Variants in EPG5 observed in about 807,000 individuals in gnomAD.
EPG5 encodes ectopic P-granules 5 autophagy tethering factor, also known as ectopic P granules protein 5 homolog.
Under a neutral mutation model 302.7 loss-of-function variants are expected in EPG5, and 159 were observed. That is an observed-to-expected ratio of 0.53 (90% CI 0.46 to 0.60). EPG5 has a LOEUF of 0.60. Ranked by LOEUF, EPG5 falls within the 20% of genes least tolerant of loss-of-function variation. EPG5 has a pLI of 0.00. For missense variants in EPG5, 2,896 were observed against 3,092.4 expected (o/e 0.94, Z 1.51); for synonymous variants, 1,158 against 1,136.8 (o/e 1.02, Z -0.37).
chr18:45,809,759 A>G, the EPG5 span, among the ~76,000 whole-genome samples: 5 of 152,306 alleles, frequency 3.3e-5, no homozygotes, highest in African/African-American at 1.2e-4. Context: ...AAATGCCCAC[A>G]TCAAAAGGTC....
At chr18:45,834,018 G>A in the EPG5 span, among the ~76,000 whole-genome samples, 3 of 152,130 alleles carry the variant, frequency 2.0e-5, no homozygotes, top group Non-Finnish European at 2.9e-5. Context: ...GCCTCATTAC[G>A]CCTTCATGCC....
chr18:45,911,124 T>TAC (rs2049888175), intron 22 of EPG5, among the ~76,000 whole-genome samples: 10 of 150,630 alleles, frequency 6.6e-5, no homozygotes, highest in African/African-American at 2.5e-4. Flanking sequence ...TATATATATA[T>TAC]ATACATTTTT....
chr18:45,810,487 C>T, the EPG5 span, among the ~76,000 whole-genome samples: 699 of 152,242 alleles, frequency 4.6e-3, 7 homozygotes, highest in African/African-American at 0.016. Flanking sequence ...CTAACCAAAG[C>T]CAACAACATA....
chr18:45,858,467 C>T, intron 41 of EPG5, 99 bp downstream of exon 41: 4 of 824,792 alleles, frequency 4.8e-6, no homozygotes, highest in South Asian at 3.4e-5. Flanking sequence ...ATTTTTTATG[C>T]ACCTCTTGGT....
the EPG5 span, among the ~76,000 whole-genome samples, chr18:45,820,305 G>A: frequency 6.6e-6 from 1 of 152,176 alleles, no homozygotes; most frequent in Non-Finnish European, 1.5e-5. Context: ...ATAAGCTGGT[G>A]TTACACTGAC....
At chr18:45,929,582 T>C (rs1030789079) in intron 12 of EPG5, among the ~76,000 whole-genome samples, 2 of 152,242 alleles carry the variant, frequency 1.3e-5, no homozygotes, top group African/African-American at 4.8e-5. Flanking sequence ...ATTGCTTCAA[T>C]TGTACATACA....
chr18:45,855,031 A>G (rs1441858108), intron 43 of EPG5, among the ~76,000 whole-genome samples: 1 of 152,174 alleles, frequency 6.6e-6, no homozygotes, highest in African/African-American at 2.4e-5. Flanking sequence ...CCTGGCCAGC[A>G]TGTCCATAGG....
chr18:45,936,772 C>A, intron 10 of EPG5, among the ~76,000 whole-genome samples: 1 of 141,416 alleles, frequency 7.1e-6, no homozygotes, highest in African/African-American at 2.8e-5. Flanking sequence ...AGCAACTTAC[C>A]TGTTATTAAA....
At position 45,917,853 on chromosome 18, in the gene EPG5, G is replaced by T. The variant is rs753217126; in HGVS notation, c.3099-34C>A. The T allele has an allele frequency of 2.8e-4, 456 of 1,610,932 alleles. 6 individuals carry two copies. The East Asian group carries it at 9.8e-3, about 35-fold the overall frequency. Reference sequence around the variant, plus strand: ...AAAGAGAAAGGCACTGAATACACAAGGGAGCTGGTTCATAAAATTCTGTTC... The same window carrying T: ...AAAGAGAAAGGCACTGAATACACAATGGAGCTGGTTCATAAAATTCTGTTC... On this transcript the variant is annotated intron_variant, in intron 16 of 43. Transcript: ENST00000282041.
chr18:45,919,457 G>C (rs2050103985), intron 16 of EPG5, among the ~76,000 whole-genome samples: 1 of 151,492 alleles, frequency 6.6e-6, no homozygotes, highest in Non-Finnish European at 1.5e-5. Context: ...CTTAAGTTCA[G>C]ATAACTGCAC....
rs371113007 is a variant in EPG5, at chr18:45,955,112, G to A, written c.290C>T (p.Thr97Met). The A allele has an allele frequency of 7.8e-5, 126 of 1,613,898 alleles. No individual in the cohort carries two copies. Among genetic ancestry groups the A allele is most frequent in the Non-Finnish European group, 9.9e-5 (117 of 1,179,948 alleles). The change falls in exon 2 of 44, where the codon ACG (threonine) becomes ATG (methionine). Residue 97 changes from threonine (T) to methionine (M), a missense_variant. Transcript: ENST00000282041. ...SLTISNEESLTCNTEPPKEGG... is the reference protein window; with the variant it reads ...SLTISNEESLMCNTEPPKEGG... ...TTCCTTTGGGGGCTCTGTGTTACAC[G>A]TCAGGGACTCTTCATTGCTTATAGT...
chr18:45,934,735 G>C (rs2050478056), intron 11 of EPG5, 74 bp downstream of exon 11: 5 of 1,492,230 alleles, frequency 3.4e-6, no homozygotes, highest in Middle Eastern at 4.5e-4. Flanking sequence ...CCTTCTAAAA[G>C]TAAAAATTAA....
At chr18:45,803,599 G>C in the EPG5 span, among the ~76,000 whole-genome samples, 1 of 152,114 alleles carries the variant, frequency 6.6e-6, no homozygotes, top group African/African-American at 2.4e-5. Context: ...GAAAGTGAGG[G>C]AGAATCCTCA....
chr18:45,861,696 T>C (rs2048639014), intron 39 of EPG5, among the ~76,000 whole-genome samples: 1 of 152,206 alleles, frequency 6.6e-6, no homozygotes, highest in South Asian at 2.1e-4. Flanking sequence ...ATACTTACAA[T>C]ATCTACATGA....
intron 10 of EPG5, among the ~76,000 whole-genome samples, chr18:45,936,761 C>A (rs2050535834): frequency 2.2e-5 from 3 of 133,368 alleles, no homozygotes; most frequent in South Asian, 2.5e-4. Context: ...AAGGAATGTA[C>A]AGCAACTTAC....
chr18:45,902,302 C>T lies in EPG5; in HGVS notation c.4475-1135G>A, dbSNP rs184081669. On this transcript the variant is annotated intron_variant, in intron 25 of 43. Transcript: ENST00000282041. ...ATCCCTTATAGTTAGTGTTTTTCCACTAGAACTAACTACTCTTTGCACAGA... is the reference window on the plus strand; with the variant it reads ...ATCCCTTATAGTTAGTGTTTTTCCATTAGAACTAACTACTCTTTGCACAGA... Among the ~76,000 whole-genome samples, 257 of 152,276 alleles carry T rather than the reference C, an allele frequency of 1.7e-3. 2 individuals are homozygous for T. The highest frequency in any genetic ancestry group is 5.9e-3 in the African/African-American group (245 of 41,556).
In EPG5 at chr18:45,852,629, G is replaced by A; in HGVS notation, c.7578C>T (p.Ser2526=). 6.2e-7 allele frequency: 1 copy of A among 1,614,030 alleles called. No homozygotes were observed. The highest frequency in any genetic ancestry group is 1.1e-5 in the South Asian group (1 of 91,048). Residue 2526 remains serine, a synonymous_variant, in exon 44 of 44, where the codon TCC becomes TCT. Coordinates refer to ENST00000282041, the MANE Select transcript of EPG5 (RefSeq NM_020964.3). ...KAQQALNALE[S]MASSKQYVEY... ...CAACATACTGCTTACTTGATGCCAT[G>A]GATTCAAGAGCATTCAGAGCCTAAA...
Position 45,899,518 on chromosome 18 carries a change from C to A in EPG5, c.4695G>T (p.Leu1565=). The change falls in exon 27 of 44, where the codon CTG becomes CTT. Residue 1565 remains leucine (L), a synonymous_variant. Coordinates refer to ENST00000282041, the MANE Select transcript of EPG5 (RefSeq NM_020964.3). ...ESQQVALDGE[L]LDTMPKQYVN... ...CATACTGCTTTGGCATTGTGTCTAA[C>A]AGCTCACCATCCAGAGCAACCTGCT... is the stretch of plus-strand genomic sequence containing the variant. 6.2e-7 allele frequency: 1 copy of A among 1,614,172 alleles called. No homozygotes were observed. Among genetic ancestry groups the A allele is most frequent in the Non-Finnish European group, 8.5e-7 (1 of 1,180,028 alleles).
chr18:45,908,107 G>A lies in EPG5; in HGVS notation c.4206-26C>T, dbSNP rs144175319. ...CTAAAAGATAAAAACATAATTATAC[G>A]AAACATAAAAAGATGAGCATACAAA... On this transcript the variant is annotated intron_variant, in intron 23 of 43. Coordinates refer to ENST00000282041, the MANE Select transcript of EPG5 (RefSeq NM_020964.3). 4.7e-3 allele frequency: 6,939 copies of A among 1,464,296 alleles called. 100 individuals carry two copies. The Admixed American group carries it at 0.055, about 12-fold the overall frequency. 90.7% of individuals were successfully genotyped at this position (1,464,296 alleles called of 1,614,324 possible). A position where few individuals can be genotyped will look rare whatever the true frequency, so the allele number is the denominator to read the frequency against.
Sources: allele counts gnomAD v4.1 joint callset (sites outside exome capture counted in the v4.1 genomes callset), GRCh38; gene constraint gnomAD v4.1.1; transcripts MANE v1.5; gene names NCBI Gene and HGNC (gene_info 2026-07-23, HGNC 2026-07-21).